VSTM1: variants seen among roughly 807,000 people sequenced by gnomAD.
VSTM1 encodes V-set and transmembrane domain containing 1.
Under a neutral mutation model 33.1 loss-of-function variants are expected in VSTM1, and 27 were observed. The ratio of observed to expected loss-of-function variants is 0.82; its 90% CI spans 0.60 to 1.12. VSTM1 has a LOEUF of 1.12. Ranked by LOEUF, VSTM1 falls within the 50% of genes most tolerant of loss-of-function variation. VSTM1 has a pLI of 0.00. For synonymous variants in VSTM1, 115 were observed against 110.3 expected, an observed-to-expected ratio of 1.04 and a Z score of -0.27; for missense variants, 304 against 288.9, an observed-to-expected ratio of 1.05 and a Z score of -0.38.
chr19:54,052,244 A>G (rs1216401644), intron 3 of VSTM1, among the ~76,000 whole-genome samples: 2 of 150,610 alleles, frequency 1.3e-5, no homozygotes, highest in Non-Finnish European at 3.0e-5. Context: ...TAAAAATACA[A>G]AAAGTTAGCC....
rs772313936 is a variant in VSTM1 at position 54,041,078 on chromosome 19, C to T, written c.594G>A (p.Thr198=). ...LSNMERVSLS[T]ADPQGVTYAE... is the part of the protein sequence containing the mutation. The stretch of plus-strand genomic sequence containing the variant: ...CATAGGTCACTCCTTGGGGGTCTGC[C>T]GTCTTTGGAGAAAATAGATGAATAT... Residue 198 remains threonine (T), a splice_region_variant and synonymous_variant, in exon 9 of 9, where the codon ACG becomes ACA. Transcript: ENST00000338372. 39 of 1,577,716 alleles carry T rather than the reference C, an allele frequency of 2.5e-5. 1 individual carries two copies. The highest frequency in any genetic ancestry group is 1.2e-4 in the South Asian group (10 of 85,764).
Position 54,063,754 on chromosome 19 carries a change from C to T in VSTM1, c.24G>A (p.Leu8=). 1 of 1,613,900 alleles carries T rather than the reference C, an allele frequency of 6.2e-7. No individual in the cohort carries two copies. The highest frequency in any genetic ancestry group is 1.3e-5 in the African/African-American group (1 of 75,052). ...GTCCTGGAGACTCACCGAGGCAAAG[C>T]AGGGAGAGGAATTCTGCGGTCATAG... is the stretch of plus-strand genomic sequence containing the variant. MTAEFLS[L]LCLGLCLGYE... The change falls in exon 1 of 9, where the codon CTG becomes CTA. Residue 8 remains leucine, a synonymous_variant. Transcript: ENST00000338372.
chr19:54,060,111 C>T (rs1422608322), intron 1 of VSTM1, among the ~76,000 whole-genome samples: 2 of 152,014 alleles, frequency 1.3e-5, no homozygotes, highest in Non-Finnish European at 2.9e-5. Context: ...CTCGGACTCC[C>T]AAAGTGCTGG....
intron 1 of VSTM1, among the ~76,000 whole-genome samples, chr19:54,060,627 G>A (rs1289306906): frequency 1.3e-5 from 2 of 152,138 alleles, no homozygotes; most frequent in Non-Finnish European, 1.5e-5. Context: ...CCCAAATCCC[G>A]CTTTTAGATT....
intron 4 of VSTM1, among the ~76,000 whole-genome samples, chr19:54,046,291 A>T (rs1187319587): frequency 6.6e-6 from 1 of 152,172 alleles, no homozygotes; most frequent in East Asian, 1.9e-4. Flanking sequence ...GGGGAGTTTG[A>T]AACAAGACAT....
chr19:54,051,520 C>G, intron 3 of VSTM1, 72 bp from the exon 4 acceptor site: 1 of 1,239,352 alleles, frequency 8.1e-7, no homozygotes, highest in South Asian at 1.4e-5. Context: ...GTCCTCACGT[C>G]CTACTTATAG....
intron 8 of VSTM1, among the ~76,000 whole-genome samples, 199 bp downstream of exon 8, chr19:54,041,580 C>T (rs779920456): frequency 2.0e-5 from 3 of 152,174 alleles, no homozygotes; most frequent in Non-Finnish European, 4.4e-5. Context: ...GGATTACAGG[C>T]GTGAGCCACC....
chr19:54,048,925 A>T (rs2146075361), intron 4 of VSTM1, among the ~76,000 whole-genome samples: 1 of 152,198 alleles, frequency 6.6e-6, no homozygotes, highest in South Asian at 2.1e-4. Context: ...CTCTACTAAA[A>T]ATACACAAAT....
chr19:54,040,862 G>T lies in VSTM1; in HGVS notation c.*99C>A, dbSNP rs1411705180. 3 of 1,464,102 alleles carry T rather than the reference G, an allele frequency of 2.0e-6. No homozygotes were observed. Among genetic ancestry groups the T allele is most frequent in the Non-Finnish European group, 9.1e-7 (1 of 1,095,402 alleles). The allele number at this position is 1,464,102 out of a possible 1,614,324, so 90.7% of individuals were successfully genotyped here. A position where few individuals can be genotyped will look rare whatever the true frequency, so the allele number is the denominator to read the frequency against. On this transcript the variant is annotated 3_prime_UTR_variant, in exon 9 of 9. Transcript: ENST00000338372. Reference sequence around the variant, plus strand: ...ACGAGAAACTTAATTTTATTGATATGGACGAAGAGCAAGGAAACACAGTAT... The same window carrying T: ...ACGAGAAACTTAATTTTATTGATATTGACGAAGAGCAAGGAAACACAGTAT...
intron 4 of VSTM1, among the ~76,000 whole-genome samples, chr19:54,046,507 A>T (rs1227078556): frequency 6.6e-6 from 1 of 152,136 alleles, no homozygotes; most frequent in Non-Finnish European, 1.5e-5. Flanking sequence ...ATGGGATTGT[A>T]GGTATAATGA....
chr19:54,042,820 A>ATATGTG (rs60606164), intron 4 of VSTM1, among the ~76,000 whole-genome samples: 15 of 79,958 alleles, frequency 1.9e-4, no homozygotes, highest in African/African-American at 7.5e-4. Context: ...ATATATATAT[A>ATATGTG]TATATATATA....
intron 8 of VSTM1, among the ~76,000 whole-genome samples, chr19:54,041,465 C>A (rs1260825826): frequency 1.3e-5 from 2 of 151,982 alleles, no homozygotes; most frequent in South Asian, 4.2e-4. Flanking sequence ...CCACGCCCAG[C>A]TAATTTTTTG....
chr19:54,052,898 C>T, intron 3 of VSTM1: 1 of 156,130 alleles, frequency 6.4e-6, no homozygotes, highest in Non-Finnish European at 1.4e-5. Context: ...GGGAGGATTA[C>T]CTGGGCCTGG....
intron 3 of VSTM1, among the ~76,000 whole-genome samples, chr19:54,056,348 A>G (rs2071101472): frequency 7.4e-6 from 1 of 134,692 alleles, no homozygotes. Flanking sequence ...CAGCCTCCCG[A>G]GTAGCTGAAA....
chr19:54,044,774 G>A (rs1446256986), intron 4 of VSTM1, among the ~76,000 whole-genome samples: 2 of 152,208 alleles, frequency 1.3e-5, no homozygotes, highest in African/African-American at 2.4e-5. Context: ...AGCAAGGGTT[G>A]TGTCCAAAGC....
chr19:54,057,480 A>G (rs1391969963), intron 3 of VSTM1, among the ~76,000 whole-genome samples: 2 of 148,414 alleles, frequency 1.3e-5, no homozygotes, highest in Admixed American at 1.4e-4. Context: ...ATGCCACTGC[A>G]CTCCTGCCTG....
intron 3 of VSTM1, among the ~76,000 whole-genome samples, chr19:54,056,297 C>T (rs1377700540): frequency 8.0e-6 from 1 of 124,350 alleles, no homozygotes; most frequent in Non-Finnish European, 1.7e-5. Flanking sequence ...TCTTGGCTCA[C>T]CGCAGCCTCT....
At chr19:54,052,750 A>T (rs1319825203) in intron 3 of VSTM1, 1 of 142,518 alleles carries the variant, frequency 7.0e-6, no homozygotes. Flanking sequence ...TGTCAATTTG[A>T]TATTTTTAAA....
At chr19:54,047,610 T>C (rs116765087) in intron 4 of VSTM1, among the ~76,000 whole-genome samples, 2,103 of 152,146 alleles carry the variant, frequency 0.014, 54 homozygotes, top group African/African-American at 0.048. Flanking sequence ...ATTCTATCAG[T>C]GCATCTCCAA....
Sources: allele counts gnomAD v4.1 joint callset (sites outside exome capture counted in the v4.1 genomes callset), GRCh38; gene constraint gnomAD v4.1.1; transcripts MANE v1.5; gene names NCBI Gene and HGNC (gene_info 2026-07-23, HGNC 2026-07-21).